Variants in SLC39A11 observed in about 807,000 individuals in gnomAD.
SLC39A11 encodes solute carrier family 39 member 11, also known as zinc transporter ZIP11.
SLC39A11 carries 33 observed loss-of-function variants against 36.1 expected under a neutral mutation model. The ratio of observed to expected loss-of-function variants is 0.91; its 90% CI spans 0.69 to 1.22. The LOEUF is 1.22. Among genes scored for constraint, SLC39A11 ranks in the 50% most tolerant of loss-of-function variants. The pLI is 0.00. For synonymous variants in SLC39A11, 166 were observed against 170.3 expected (o/e 0.97, Z 0.20); for missense variants, 432 against 430.3 (o/e 1.00, Z -0.03).
At chr17:72,933,366 A>T (rs140710873) in intron 5 of SLC39A11, among the ~76,000 whole-genome samples, 50 of 152,346 alleles carry the variant, frequency 3.3e-4, no homozygotes, top group African/African-American at 1.1e-3. Context: ...CCAACGGTAG[A>T]GTATGTATGA....
intron 3 of SLC39A11, among the ~76,000 whole-genome samples, chr17:73,073,061 G>A (rs949150185): frequency 2.0e-5 from 3 of 152,116 alleles, no homozygotes; most frequent in African/African-American, 7.2e-5. Flanking sequence ...GCGTCTGTAA[G>A]CCCAGCTACT....
chr17:72,977,761 G>A (rs990926842), intron 4 of SLC39A11, among the ~76,000 whole-genome samples: 3 of 152,224 alleles, frequency 2.0e-5, no homozygotes, highest in Non-Finnish European at 4.4e-5. Context: ...TTGGGGAAAC[G>A]GTAGTGATAT....
intron 4 of SLC39A11, among the ~76,000 whole-genome samples, chr17:72,955,637 A>C (rs2086206139): frequency 6.6e-6 from 1 of 151,998 alleles, no homozygotes; most frequent in African/African-American, 2.4e-5. Context: ...AGCATCTCAA[A>C]GCCATGAGGC....
chr17:72,713,279 T>C (rs999744394), intron 7 of SLC39A11, among the ~76,000 whole-genome samples: 1 of 151,968 alleles, frequency 6.6e-6, no homozygotes, highest in Non-Finnish European at 1.5e-5. Flanking sequence ...GGTAACGAGG[T>C]GGGAGCCAAG....
intron 7 of SLC39A11, among the ~76,000 whole-genome samples, chr17:72,722,265 C>T (rs1448582572): frequency 2.0e-5 from 3 of 152,104 alleles, no homozygotes; most frequent in African/African-American, 7.2e-5. Flanking sequence ...ATGGCTTCTG[C>T]ACACAGGGAA....
intron 7 of SLC39A11, among the ~76,000 whole-genome samples, chr17:72,667,493 T>C (rs562039360): frequency 7.9e-5 from 12 of 152,366 alleles, no homozygotes; most frequent in Non-Finnish European, 1.8e-4. Flanking sequence ...CAATTGTGTT[T>C]TCTTGGCTTC....
intron 7 of SLC39A11, among the ~76,000 whole-genome samples, chr17:72,719,745 A>G (rs2073574775): frequency 6.6e-6 from 1 of 152,176 alleles, no homozygotes; most frequent in South Asian, 2.1e-4. Flanking sequence ...CTAACAGAGT[A>G]TACGTTGTGC....
intron 2 of SLC39A11, 65 bp from the exon 3 acceptor site, chr17:73,084,911 A>T: frequency 6.5e-7 from 1 of 1,538,976 alleles, no homozygotes; most frequent in Non-Finnish European, 9.0e-7. Flanking sequence ...CTGGGACAAG[A>T]AGAAACCATA....
At chr17:73,027,186 T>G (rs766995728) in intron 4 of SLC39A11, among the ~76,000 whole-genome samples, 1 of 152,174 alleles carries the variant, frequency 6.6e-6, no homozygotes, top group Admixed American at 6.5e-5. Flanking sequence ...TAACTTCACA[T>G]AGAAGCACAA....
intron 6 of SLC39A11, among the ~76,000 whole-genome samples, chr17:72,787,618 T>C (rs2714012): frequency 0.62 from 94,840 of 152,022 alleles, 31,064 homozygotes; most frequent in Non-Finnish European, 0.75. Flanking sequence ...GTTGTTCCTC[T>C]CTCTCTTCAA....
chr17:73,006,669 C>CAG, intron 4 of SLC39A11, among the ~76,000 whole-genome samples: 2 of 152,054 alleles, frequency 1.3e-5, no homozygotes, highest in South Asian at 4.2e-4. Context: ...CACACACACA[C>CAG]ACACACACAT....
chr17:72,738,452 G>T (rs772904338), intron 6 of SLC39A11, among the ~76,000 whole-genome samples: 1 of 152,170 alleles, frequency 6.6e-6, no homozygotes, highest in Non-Finnish European at 1.5e-5. Flanking sequence ...GGGTTTTCAC[G>T]TCCTTTCCTG....
intron 3 of SLC39A11, among the ~76,000 whole-genome samples, chr17:73,056,078 C>A (rs565319289): frequency 5.1e-4 from 78 of 152,292 alleles, no homozygotes; most frequent in Admixed American, 1.1e-3. Flanking sequence ...CTGGAGGGCA[C>A]AGGAGAGGCA....
chr17:72,800,610 G>A (rs1455040825), intron 6 of SLC39A11, among the ~76,000 whole-genome samples: 1 of 152,102 alleles, frequency 6.6e-6, no homozygotes, highest in Non-Finnish European at 1.5e-5. Context: ...GTGCCTGGCT[G>A]ACTTAGAAGA....
At chr17:72,798,375 C>CAG (rs1255932298) in intron 6 of SLC39A11, among the ~76,000 whole-genome samples, 22 of 149,822 alleles carry the variant, frequency 1.5e-4, no homozygotes, top group African/African-American at 3.9e-4. Context: ...ACATGGTGAA[C>CAG]AGAGAGAGAG....
intron 5 of SLC39A11, among the ~76,000 whole-genome samples, chr17:72,888,793 T>C (rs1213275105): frequency 6.6e-6 from 1 of 152,086 alleles, no homozygotes; most frequent in Non-Finnish European, 1.5e-5. Flanking sequence ...TCTCAGCTAC[T>C]TGGGAGGCTG....
At chr17:72,797,489 A>G (rs2076934754) in intron 6 of SLC39A11, among the ~76,000 whole-genome samples, 1 of 152,122 alleles carries the variant, frequency 6.6e-6, no homozygotes, top group Non-Finnish European at 1.5e-5. Context: ...GGGCTAATTT[A>G]AAAGATGGGG....
At chr17:72,728,338 ATGCTGAGG>A (rs767743748) in intron 7 of SLC39A11, among the ~76,000 whole-genome samples, 251 of 151,700 alleles carry the variant, frequency 1.7e-3, no homozygotes, top group Non-Finnish European at 2.8e-3. Context: ...CTTGGGAGGG[ATGCTGAGG>A]TGGGAGGATC....
intron 6 of SLC39A11, among the ~76,000 whole-genome samples, chr17:72,740,648 G>A (rs1349495815): frequency 6.6e-6 from 1 of 152,146 alleles, no homozygotes; most frequent in Non-Finnish European, 1.5e-5. Flanking sequence ...TTACGATATT[G>A]CACTAAACAT....
Sources: allele counts gnomAD v4.1 joint callset (sites outside exome capture counted in the v4.1 genomes callset), GRCh38; gene constraint gnomAD v4.1.1; transcripts MANE v1.5; gene names NCBI Gene and HGNC (gene_info 2026-07-23, HGNC 2026-07-21).